FOXK1: variants seen among roughly 807,000 people sequenced by gnomAD.
FOXK1 encodes the protein forkhead box K1.
FOXK1 carries 19 observed loss-of-function variants against 51.9 expected under a neutral mutation model. The ratio of observed to expected loss-of-function variants is 0.37; its 90% CI spans 0.26 to 0.54. The LOEUF (loss-of-function observed/expected upper bound fraction) is 0.54. Among genes scored for constraint, FOXK1 ranks in the 20% least tolerant of loss-of-function variants. The pLI, the probability that FOXK1 is intolerant of heterozygous loss-of-function variation, is 0.87. For synonymous variants in FOXK1, 537 were observed against 482.6 expected (o/e 1.11, Z -1.48); for missense variants, 870 against 1,032.7 (o/e 0.84, Z 2.16).
chr7:4,682,714 T>C lies in FOXK1; in HGVS notation c.406T>C (p.Leu136=). The change falls in exon 1 of 9, where the codon TTG becomes CTG. Residue 136 remains leucine (L), a synonymous_variant. Transcript: ENST00000328914. This position sits in a 1 kb window ranked among gnomAD's most constrained non-coding sequence, Gnocchi z 7.6. ...CAACTCGTCGCAGGGCTCGGTGGAC[T>C]TGAGCATGGGCCTGTCCAGCTTCAT... ...GRNSSQGSVD[L]SMGLSSFISR... 2 of 1,603,624 alleles carry C rather than the reference T, an allele frequency of 1.2e-6. No individual in the cohort carries two copies. Among genetic ancestry groups the C allele is most frequent in the Non-Finnish European group, 1.7e-6 (2 of 1,178,260 alleles).
In FOXK1 at chr7:4,762,862, G is replaced by A. The variant is rs760754698; in HGVS notation, c.*398G>A. 2.5e-5 allele frequency: 5 copies of A among 197,650 alleles called. No homozygotes were observed. Among genetic ancestry groups the A allele is most frequent in the African/African-American group, 4.7e-5 (2 of 42,670 alleles). The allele number at this position is 197,650 out of a possible 1,614,324, so 12.2% of individuals were successfully genotyped here. ...TTTGTCCGGGAGGACAGACAGAAAC[G>A]CAGCAAGGCACACACCAAGGCTGCC... is the stretch of plus-strand genomic sequence containing the variant. On this transcript the variant is annotated 3_prime_UTR_variant, in exon 9 of 9. Coordinates refer to ENST00000328914, the MANE Select transcript of FOXK1 (RefSeq NM_001037165.2). The surrounding 1 kb of genome is among the most constrained non-coding windows in gnomAD (Gnocchi z 5.7).
At chr7:4,725,559 G>C (rs958030413) in intron 1 of FOXK1, among the ~76,000 whole-genome samples, 1 of 152,244 alleles carries the variant, frequency 6.6e-6, no homozygotes, top group Non-Finnish European at 1.5e-5. Context: ...GCCTTTGTGC[G>C]GCCGGGCCCC....
rs1473139811 is a variant in FOXK1, at chr7:4,698,626, C to T, written c.560+15758C>T. On this transcript the variant is annotated intron_variant, in intron 1 of 8. Coordinates refer to ENST00000328914, the MANE Select transcript of FOXK1 (RefSeq NM_001037165.2). ...GGAGTACAGTGGCACAGTCATAGCT[C>T]ACTGCAGCCTCGACCTCCCAGGCTC... Among the ~76,000 whole-genome samples, 4 of 152,170 alleles carry T rather than the reference C, an allele frequency of 2.6e-5. No individual in the cohort carries two copies. The East Asian group carries it at 5.8e-4, about 22-fold the overall frequency.
At position 4,753,182 on chromosome 7, in the gene FOXK1, C is replaced by G. The variant is rs1334356977; in HGVS notation, c.747-1277C>G. On this transcript the variant is annotated intron_variant, in intron 2 of 8. Coordinates refer to ENST00000328914, the MANE Select transcript of FOXK1 (RefSeq NM_001037165.2). This position sits in a 1 kb window ranked among gnomAD's most constrained non-coding sequence, Gnocchi z 4.9. ...GAAAATGCCCCAGACCTGAACTGAT[C>G]ATTAATGTCAGCTGTCAGGTTTTTC... is the stretch of plus-strand genomic sequence containing the variant. Among the ~76,000 whole-genome samples, 1 of 152,160 alleles carries G rather than the reference C, an allele frequency of 6.6e-6. No homozygotes were observed. The highest frequency in any genetic ancestry group is 2.4e-5 in the African/African-American group (1 of 41,454).
rs1392011434 is a variant in FOXK1 at position 4,764,151 on chromosome 7, G to A, written c.*1687G>A. The stretch of plus-strand genomic sequence containing the variant: ...AAGTGATTCCGAGGCAGTGCGGGAG[G>A]ACACACGTGCTGTGCAGTGGAGTGG... On this transcript the variant is annotated 3_prime_UTR_variant, in exon 9 of 9. Transcript: ENST00000328914. 1 of 152,896 alleles carries A rather than the reference G, an allele frequency of 6.5e-6. No individual in the cohort carries two copies. 9.5% of individuals were successfully genotyped at this position (152,896 alleles called of 1,614,324 possible).
chr7:4,719,509 T>G (rs1780281809), intron 1 of FOXK1, among the ~76,000 whole-genome samples: 1 of 151,766 alleles, frequency 6.6e-6, no homozygotes, highest in South Asian at 2.1e-4. Flanking sequence ...TTTGACAGAA[T>G]CTCACTCCAT....
chr7:4,752,587 C>T (rs970010052), intron 2 of FOXK1, among the ~76,000 whole-genome samples: 6 of 152,244 alleles, frequency 3.9e-5, no homozygotes, highest in African/African-American at 1.4e-4. Context: ...CAGGAGCCCG[C>T]CTGCCACCTC....
rs35170851 is a variant in FOXK1 at position 4,716,317 on chromosome 7, T to C, written c.561-24521T>C. Among the ~76,000 whole-genome samples the C allele has an allele frequency of 9.3e-3, 1,414 of 151,740 alleles. 18 individuals carry two copies. The highest frequency in any genetic ancestry group is 0.031 in the South Asian group (150 of 4,800). ...GAGTTCAAGACCAGCCTGGGTAACA[T>C]AGCAAGACCCTGTTTCTACAAAAAA... On this transcript the variant is annotated intron_variant, in intron 1 of 8. Transcript: ENST00000328914.
intron 2 of FOXK1, among the ~76,000 whole-genome samples, chr7:4,746,439 G>A (rs1012849702): frequency 5.9e-5 from 9 of 152,246 alleles, no homozygotes; most frequent in Admixed American, 5.2e-4. Flanking sequence ...ACGCACTTTG[G>A]GAAGCTGAGG....
chr7:4,684,187 C>T (rs1377554162), intron 1 of FOXK1, among the ~76,000 whole-genome samples: 1 of 152,184 alleles, frequency 6.6e-6, no homozygotes. Context: ...TCCTCTGGAG[C>T]CACTTTCTTT....
chr7:4,703,091 T>C lies in FOXK1; in HGVS notation c.560+20223T>C, dbSNP rs10270871. On this transcript the variant is annotated intron_variant, in intron 1 of 8. Transcript: ENST00000328914. This position sits in a 1 kb window ranked among gnomAD's most constrained non-coding sequence, Gnocchi z 5.6. ...GGTTGCTTGCACTGCTGGGTGAGAG[T>C]GCCTCTGTGTCGGGGGCTGGGCTGG... Among the ~76,000 whole-genome samples the C allele has an allele frequency of 0.24, 36,158 of 151,872 alleles. 8,499 individuals carry two copies. Among genetic ancestry groups the C allele is most frequent in the African/African-American group, 0.61 (25,443 of 41,404 alleles).
chr7:4,706,007 TATATAC>T (rs1780093259), intron 1 of FOXK1, among the ~76,000 whole-genome samples: 1 of 108,484 alleles, frequency 9.2e-6, no homozygotes, highest in African/African-American at 6.1e-5. Context: ...TATATACGTA[TATATAC>T]GTATATATAC....
In FOXK1 at chr7:4,697,760, T is replaced by C. The variant is rs1779972022; in HGVS notation, c.560+14892T>C. 1.1e-4 allele frequency among the ~76,000 whole-genome samples: 16 copies of C among 150,350 alleles called. No individual in the cohort carries two copies. In the South Asian group the frequency reaches 3.4e-3, roughly 32 times the overall value. On this transcript the variant is annotated intron_variant, in intron 1 of 8. Coordinates refer to ENST00000328914, the MANE Select transcript of FOXK1 (RefSeq NM_001037165.2). The stretch of plus-strand genomic sequence containing the variant: ...GATAGGCTGTGTGTGTGTGTGTGTG[T>C]GTGTGTGTGTGTGTGTGTGTGTGTG...
rs573175702 is a variant in FOXK1, at chr7:4,690,646, G to A, written c.560+7778G>A. On this transcript the variant is annotated intron_variant, in intron 1 of 8. Transcript: ENST00000328914. Reference sequence around the variant, plus strand: ...TGAACTGAATTTAGAATATTTGCATGAAAGCCTTTGTCATACTGATGGAGA... The same window carrying A: ...TGAACTGAATTTAGAATATTTGCATAAAAGCCTTTGTCATACTGATGGAGA... Among the ~76,000 whole-genome samples, 19 of 152,344 alleles carry A rather than the reference G, an allele frequency of 1.2e-4. No homozygotes were observed. The East Asian group carries it at 3.7e-3, about 29-fold the overall frequency.
rs1780947606 is a variant in FOXK1, at chr7:4,762,454, C to A, written c.2192C>A (p.Thr731Asn). 6.5e-7 allele frequency: 1 copy of A among 1,542,682 alleles called. No homozygotes were observed. Among genetic ancestry groups the A allele is most frequent in the Non-Finnish European group, 8.8e-7 (1 of 1,142,130 alleles). ...IAAAGPQGPGTGE is the reference protein window; with the variant it reads ...IAAAGPQGPGNGE ...GCTGCCGGCCCCCAGGGGCCAGGCA[C>A]CGGGGAGTGAGGTCACCTGCAACGC... Residue 731 changes from threonine (T) to asparagine (N), a missense_variant, in exon 9 of 9, where the codon ACC becomes AAC. Thr to Asn is a moderately conservative substitution (Grantham distance 65). Transcript: ENST00000328914. This position sits in a 1 kb window ranked among gnomAD's most constrained non-coding sequence, Gnocchi z 5.7.
intron 1 of FOXK1, among the ~76,000 whole-genome samples, chr7:4,732,806 G>A (rs2115056035): frequency 6.6e-6 from 1 of 152,320 alleles, no homozygotes; most frequent in Admixed American, 6.5e-5. Context: ...CTCTACTGCT[G>A]CCCTCCTCAT....
At position 4,752,510 on chromosome 7, in the gene FOXK1, G is replaced by A. The variant is rs182706396; in HGVS notation, c.747-1949G>A. ...GAACAGGAGCAGGTCCCTGCCACAC[G>A]TGCTGGGCCATCACTGTTTGTTGTG... On this transcript the variant is annotated intron_variant, in intron 2 of 8. Coordinates refer to ENST00000328914, the MANE Select transcript of FOXK1 (RefSeq NM_001037165.2). 3.5e-3 allele frequency among the ~76,000 whole-genome samples: 536 copies of A among 152,354 alleles called. 2 individuals carry two copies. Among genetic ancestry groups the A allele is most frequent in the Non-Finnish European group, 6.3e-3 (428 of 68,042 alleles).
chr7:4,757,363 C>T (rs1402242633), intron 5 of FOXK1, among the ~76,000 whole-genome samples, 176 bp downstream of exon 5: 1 of 152,024 alleles, frequency 6.6e-6, no homozygotes, highest in Non-Finnish European at 1.5e-5. Context: ...CGCGGTGGCT[C>T]ACGCCTGTAA....
chr7:4,739,742 G>C (rs900620776), intron 1 of FOXK1, among the ~76,000 whole-genome samples: 1 of 152,360 alleles, frequency 6.6e-6, no homozygotes, highest in South Asian at 2.1e-4. Flanking sequence ...GCCGGAGCAG[G>C]GGTGGAATTG....
Sources: gnomAD v4.1 joint callset for allele counts (sites outside exome capture counted in the v4.1 genomes callset) on GRCh38, gnomAD v4.1.1 for gene constraint, Gnocchi (gnomAD v3.1) non-coding constraint, MANE v1.5 for transcripts, NCBI Gene and HGNC (gene_info 2026-07-23, HGNC 2026-07-21) for gene names.